The following NOS2 variants were observed in gnomAD, a reference collection of about 807,000 sequenced individuals.
The protein encoded by NOS2 is nitric oxide synthase, inducible.
Under a neutral mutation model 136.0 loss-of-function variants are expected in NOS2, and 96 were observed. That is an observed-to-expected ratio of 0.71 (90% CI 0.60 to 0.84). The LOEUF (loss-of-function observed/expected upper bound fraction) is 0.84. NOS2 is among the 40% of genes least tolerant of loss of function. The pLI is 0.00. For synonymous variants in NOS2, 539 were observed against 587.5 expected (o/e 0.92, Z 1.20); for missense variants, 1,237 against 1,496.9 (o/e 0.83, Z 2.87).
At chr17:27,783,223 C>T (rs1908909214) in intron 5 of NOS2, 117 bp from the exon 6 acceptor site, 2 of 1,109,046 alleles carry the variant, frequency 1.8e-6, no homozygotes, top group Non-Finnish European at 2.7e-6. Flanking sequence ...ATGCCTCTCA[C>T]CAGAGACAGC....
chr17:27,782,910 C>G (rs200879511), intron 6 of NOS2, 34 bp downstream of exon 6: 1 of 1,609,584 alleles, frequency 6.2e-7, no homozygotes. Context: ...TGGCCGCCTC[C>G]AGCTCTCTCC....
chr17:27,792,268 C>CTGTGTGTG (rs28998824), intron 2 of NOS2, among the ~76,000 whole-genome samples: 7 of 151,294 alleles, frequency 4.6e-5, no homozygotes, highest in African/African-American at 1.7e-4. Flanking sequence ...CTGATGCTGG[C>CTGTGTGTG]TGTGTGTGTG....
chr17:27,783,088 A>C lies in NOS2; in HGVS notation c.486T>G (p.His162Gln). 1.9e-6 allele frequency: 3 copies of C among 1,614,096 alleles called. No homozygotes were observed. Among genetic ancestry groups the C allele is most frequent in the Non-Finnish European group, 2.5e-6 (3 of 1,180,022 alleles). The change falls in exon 6 of 27, where the codon CAT becomes CAG. Residue 162 changes from histidine to glutamine, a missense_variant. Around this residue, in one of 3 missense-constraint regions of NOS2, gnomAD observed 440 missense variants for 545.4 expected, o/e 0.81. Coordinates refer to ENST00000313735, the MANE Select transcript of NOS2 (RefSeq NM_000625.4). ...TTGTTACCGCTTCCACCCTGGCCAGATGTTCCTCTATTTTTGCCCTGGGGG... is the reference window on the plus strand; with the variant it reads ...TTGTTACCGCTTCCACCCTGGCCAGCTGTTCCTCTATTTTTGCCCTGGGGG... ...GSFKEAKIEE[H>Q]LARVEAVTKE...
chr17:27,766,545 G>C lies in NOS2; in HGVS notation c.2211C>G (p.Leu737=). 1 of 1,614,130 alleles carries C rather than the reference G, an allele frequency of 6.2e-7. No homozygotes were observed. The highest frequency in any genetic ancestry group is 8.5e-7 in the Non-Finnish European group (1 of 1,179,998). Residue 737 remains leucine, a synonymous_variant, in exon 19 of 27, where the codon CTC becomes CTG. Transcript: ENST00000313735. ...GACTTTGTAGATTCTGCCGAGATTT[G>C]AGCCTCATGGTGAACACGTTCTTGG... ...MHAKNVFTMR[L]KSRQNLQSPT...
chr17:27,780,617 CAA>C (rs971536284), intron 9 of NOS2, 148 bp downstream of exon 9: 3 of 951,170 alleles, frequency 3.2e-6, no homozygotes, highest in African/African-American at 1.6e-5. Context: ...GCAACAGTGA[CAA>C]AAGAGTCCTT....
At chr17:27,789,515 C>T (rs1909125986) in intron 3 of NOS2, 89 bp downstream of exon 3, 1 of 1,038,644 alleles carries the variant, frequency 9.6e-7, no homozygotes, top group Non-Finnish European at 1.5e-6. Flanking sequence ...GCTTCCTGCC[C>T]TCTCCAGCCC....
Position 27,761,266 on chromosome 17 carries a change from C to T in NOS2, c.2801-35G>A, listed in dbSNP as rs760444595. 7 of 1,549,158 alleles carry T rather than the reference C, an allele frequency of 4.5e-6. No individual in the cohort carries two copies. In the African/African-American group the frequency reaches 5.4e-5, roughly 12 times the overall value. ...TACCACAAAGTGACCAACGTCCCCC[C>T]ACTGCCCATGCGCAAACTGTACCAG... On this transcript the variant is annotated intron_variant, in intron 22 of 26. Coordinates refer to ENST00000313735, the MANE Select transcript of NOS2 (RefSeq NM_000625.4).
intron 11 of NOS2, among the ~76,000 whole-genome samples, chr17:27,775,223 G>C (rs1285154038): frequency 6.6e-6 from 1 of 152,208 alleles, no homozygotes; most frequent in African/African-American, 2.4e-5. Flanking sequence ...ACTTTGGGAG[G>C]CCGAGGTGGG....
chr17:27,795,053 G>C (rs1322333154), intron 2 of NOS2, among the ~76,000 whole-genome samples: 1 of 151,310 alleles, frequency 6.6e-6, no homozygotes, highest in African/African-American at 2.4e-5. Context: ...CCTCTAGCAC[G>C]GTCCCAGTAC....
chr17:27,766,110 C>T (rs1908293378), intron 19 of NOS2, among the ~76,000 whole-genome samples: 1 of 152,238 alleles, frequency 6.6e-6, no homozygotes, highest in Admixed American at 6.5e-5. Flanking sequence ...GAGGACAGCA[C>T]AGATCAATGA....
At chr17:27,774,613 C>A (rs888626870) in intron 11 of NOS2, among the ~76,000 whole-genome samples, 162 bp from the exon 12 acceptor site, 1 of 152,184 alleles carries the variant, frequency 6.6e-6, no homozygotes, top group Middle Eastern at 3.2e-3. Context: ...AATAAACACC[C>A]AAATGGAAGG....
chr17:27,773,130 A>T, intron 13 of NOS2, 31 bp downstream of exon 13: 1 of 1,533,432 alleles, frequency 6.5e-7, no homozygotes, highest in Non-Finnish European at 9.0e-7. Flanking sequence ...TAGTTCACAC[A>T]TCACTACTAG....
At position 27,763,097 on chromosome 17, in the gene NOS2, TC is replaced by T; in HGVS notation, c.2593-93del. On this transcript the variant is annotated intron_variant, in intron 21 of 26. Coordinates refer to ENST00000313735, the MANE Select transcript of NOS2 (RefSeq NM_000625.4). ...ACCCAGTATTCATTCATTCATTCAC[TC>T]ACTCAACAAACAAGTCCATGTGCCA... The T allele has an allele frequency of 4.6e-6, 4 of 861,516 alleles. No homozygotes were observed. The East Asian group carries it at 1.1e-4, about 23-fold the overall frequency. 53.4% of individuals were successfully genotyped at this position (861,516 alleles called of 1,614,324 possible).
In NOS2 at chr17:27,798,714, G is replaced by A; in HGVS notation, c.96C>T (p.Pro32=). The change falls in exon 2 of 27, where the codon CCC becomes CCT. Residue 32 remains proline, a synonymous_variant. Transcript: ENST00000313735. ...KDINNNVEKA[P]CATSSPVTQD... ...GGAAAACTCACCTGGAGGTGGCACA[G>A]GGGGCTTTCTCCACATTGTTGTTGA... is the stretch of plus-strand genomic sequence containing the variant. 1 of 1,611,798 alleles carries A rather than the reference G, an allele frequency of 6.2e-7. No homozygotes were observed. Among genetic ancestry groups the A allele is most frequent in the South Asian group, 1.1e-5 (1 of 91,038 alleles).
chr17:27,794,549 C>A lies in NOS2; in HGVS notation c.110+4151G>T, dbSNP rs530867984. Among the ~76,000 whole-genome samples, 50 of 152,278 alleles carry A rather than the reference C, an allele frequency of 3.3e-4. No homozygotes were observed. In the East Asian group the frequency reaches 8.5e-3, roughly 26 times the overall value. ...GTATGCAAGCACATTAAATCCCGAA[C>A]CCCAGTTAAAGCAGAATGAAAGAGG... On this transcript the variant is annotated intron_variant, in intron 2 of 26. Transcript: ENST00000313735.
chr17:27,787,033 G>C (rs934236846), intron 5 of NOS2, among the ~76,000 whole-genome samples: 1 of 152,144 alleles, frequency 6.6e-6, no homozygotes, highest in Non-Finnish European at 1.5e-5. Context: ...AGCCTCACTG[G>C]GTAGAAAAAA....
At chr17:27,777,487 T>A (rs574660539) in intron 11 of NOS2, among the ~76,000 whole-genome samples, 11 of 152,204 alleles carry the variant, frequency 7.2e-5, no homozygotes, top group Admixed American at 5.9e-4. Context: ...GAGGTTGTTA[T>A]CCTCGCACAG....
intron 22 of NOS2, among the ~76,000 whole-genome samples, chr17:27,761,496 A>G (rs1908130701): frequency 1.3e-5 from 2 of 152,128 alleles, no homozygotes; most frequent in Non-Finnish European, 2.9e-5. Context: ...AGTGACTTGA[A>G]AAAGGTCACT....
intron 22 of NOS2, among the ~76,000 whole-genome samples, chr17:27,761,617 A>G (rs1268025752): frequency 1.3e-5 from 2 of 152,156 alleles, no homozygotes; most frequent in Admixed American, 6.5e-5. Context: ...AGCTCCACTG[A>G]CAGCAGCATG....
Sources: gnomAD v4.1 joint callset for allele counts (sites outside exome capture counted in the v4.1 genomes callset) on GRCh38, gnomAD v4.1.1 for gene constraint, gnomAD v4.1.1 regional missense constraint, MANE v1.5 for transcripts, NCBI Gene and HGNC (gene_info 2026-07-23, HGNC 2026-07-21) for gene names.